PVT1: variants seen among roughly 807,000 people sequenced by gnomAD.
PVT1 encodes the protein Pvt1 oncogene, also known as CXCR4/PVT1 fusion.
chr8:127,968,193 G>A (rs561505150), intron 3 of PVT1, among the ~76,000 whole-genome samples: 9 of 152,334 alleles, frequency 5.9e-5, no homozygotes, highest in Admixed American at 5.2e-4. Context: ...AAAACAGGCA[G>A]GGGTGTATAC....
chr8:128,032,478 AC>A (rs1247645810), intron 4 of PVT1, among the ~76,000 whole-genome samples: 1 of 152,134 alleles, frequency 6.6e-6, no homozygotes, highest in Non-Finnish European at 1.5e-5. Flanking sequence ...TTGAGTTAAG[AC>A]CTTCATTTAT....
chr8:127,819,384 G>A (rs1354174275), intron 2 of PVT1, among the ~76,000 whole-genome samples: 1 of 152,198 alleles, frequency 6.6e-6, no homozygotes, highest in Non-Finnish European at 1.5e-5. Context: ...CTCTGCATCT[G>A]TATTCAACCT....
chr8:127,856,662 A>G (rs535068086), intron 2 of PVT1, among the ~76,000 whole-genome samples: 3 of 152,270 alleles, frequency 2.0e-5, no homozygotes, highest in South Asian at 4.1e-4. Context: ...TATTAACTCA[A>G]TGGAATTCTT....
intron 2 of PVT1, among the ~76,000 whole-genome samples, chr8:127,810,183 C>T (rs1270569653): frequency 1.3e-5 from 2 of 152,222 alleles, no homozygotes; most frequent in Non-Finnish European, 2.9e-5. Flanking sequence ...CTGGTCTGAG[C>T]CCTCTTCTTT....
At chr8:128,026,537 A>C (rs547080520) in intron 4 of PVT1, among the ~76,000 whole-genome samples, 2 of 152,028 alleles carry the variant, frequency 1.3e-5, no homozygotes, top group Admixed American at 6.6e-5. Flanking sequence ...TGGGTAGAAA[A>C]TGAGCCCAGA....
At chr8:128,003,269 T>C (rs1201163780) in intron 4 of PVT1, among the ~76,000 whole-genome samples, 4 of 133,334 alleles carry the variant, frequency 3.0e-5, no homozygotes, top group Non-Finnish European at 6.3e-5. Flanking sequence ...CTTCTTTCCC[T>C]CCTTCCTTCC....
intron 3 of PVT1, chr8:127,946,585 C>T (rs1378507658): frequency 6.5e-6 from 1 of 153,220 alleles, no homozygotes; most frequent in African/African-American, 2.4e-5. Context: ...ATTTATTGAG[C>T]ACCTACTATA....
chr8:127,941,565 G>T (rs78430902), intron 3 of PVT1, among the ~76,000 whole-genome samples: 6,489 of 152,298 alleles, frequency 0.043, 259 homozygotes, highest in African/African-American at 0.1. Context: ...ATAGTATCTG[G>T]TCTATAGTAA....
At chr8:127,854,700 A>C (rs1177247069) in intron 2 of PVT1, 1 of 153,356 alleles carries the variant, frequency 6.5e-6, no homozygotes, top group African/African-American at 2.4e-5. Context: ...TCCAGGCAGG[A>C]GTGAACCAGG....
At chr8:128,009,290 A>G (rs1817284066) in intron 4 of PVT1, among the ~76,000 whole-genome samples, 1 of 152,236 alleles carries the variant, frequency 6.6e-6, no homozygotes, top group South Asian at 2.1e-4. Context: ...AGCTGCAGCT[A>G]AAAAAGCATC....
intron 4 of PVT1, chr8:128,010,269 T>G (rs1817297450): frequency 6.6e-6 from 1 of 152,178 alleles, no homozygotes; most frequent in Admixed American, 6.6e-5. Flanking sequence ...CCCTGGTGCT[T>G]TTCTCTTATA....
At chr8:127,935,136 TTG>T (rs1195589972) in intron 3 of PVT1, among the ~76,000 whole-genome samples, 1 of 152,068 alleles carries the variant, frequency 6.6e-6, no homozygotes, top group Non-Finnish European at 1.5e-5. Context: ...CCAGCTAATT[TTG>T]TATTTTTAGT....
chr8:127,863,260 C>T lies in PVT1; in HGVS notation n.373-27329C>T, dbSNP rs112055530. Among the ~76,000 whole-genome samples the T allele has an allele frequency of 8.7e-3, 1,319 of 152,036 alleles. 15 individuals carry two copies. Among genetic ancestry groups the T allele is most frequent in the Non-Finnish European group, 0.011 (741 of 67,960 alleles). On this transcript the variant is annotated intron_variant and non_coding_transcript_variant, in intron 2 of 10. Transcript: ENST00000651587. ...CCGAGTTGCTGGGATTACAGGTGTC[C>T]GCCACTGCGCCAGCTAATTTTTTGC...
rs571307393 is a variant in PVT1 at position 127,828,741 on chromosome 8, C to T, written n.372+32670C>T. ...AAAGGATGGTGCAGGTCCGCCCCCC[C>T]AGACTCATCCTTCCATGTGTGTCCT... On this transcript the variant is annotated intron_variant and non_coding_transcript_variant, in intron 2 of 10. Coordinates refer to ENST00000651587, the Ensembl canonical transcript of PVT1. Among the ~76,000 whole-genome samples, 4 of 152,192 alleles carry T rather than the reference C, an allele frequency of 2.6e-5. No individual in the cohort carries two copies. In the South Asian group the frequency reaches 8.3e-4, roughly 32 times the overall value.
At chr8:128,027,113 G>T (rs1045035526) in intron 4 of PVT1, among the ~76,000 whole-genome samples, 1 of 152,140 alleles carries the variant, frequency 6.6e-6, no homozygotes, top group Non-Finnish European at 1.5e-5. Flanking sequence ...CTCAGAGATG[G>T]GTCAGGTTGT....
chr8:128,001,524 G>T (rs1817176846), intron 4 of PVT1, among the ~76,000 whole-genome samples: 1 of 152,120 alleles, frequency 6.6e-6, no homozygotes, highest in African/African-American at 2.4e-5. Context: ...GACCCTTTCA[G>T]ACTCGCCATT....
At chr8:127,866,331 T>C (rs1815286509) in intron 2 of PVT1, among the ~76,000 whole-genome samples, 1 of 152,038 alleles carries the variant, frequency 6.6e-6, no homozygotes, top group Non-Finnish European at 1.5e-5. Flanking sequence ...CTGGGTCTGC[T>C]TTCCTGCCCC....
chr8:127,941,893 T>C (rs1293978804), intron 3 of PVT1, among the ~76,000 whole-genome samples: 2 of 152,168 alleles, frequency 1.3e-5, no homozygotes, highest in Admixed American at 6.5e-5. Context: ...TTTTCTCTTT[T>C]GGGAAGTGGG....
At chr8:127,804,580 A>T (rs1415213077) in intron 2 of PVT1, among the ~76,000 whole-genome samples, 4 of 112,124 alleles carry the variant, frequency 3.6e-5, no homozygotes, top group African/African-American at 7.5e-5. Context: ...TCATTCTGTT[A>T]TCCAGGCTGG....
Sources: gnomAD v4.1 joint callset for allele counts (sites outside exome capture counted in the v4.1 genomes callset) on GRCh38, gnomAD v4.1.1 for gene constraint, MANE v1.5 for transcripts, NCBI Gene and HGNC (gene_info 2026-07-23, HGNC 2026-07-21) for gene names.